The following DST variants were observed in gnomAD, a reference collection of about 807,000 sequenced individuals.
The protein encoded by DST is dystonin, also known as bullous pemphigoid antigen.
DST carries 253 observed loss-of-function variants against 875.2 expected under a neutral mutation model. The ratio of observed to expected loss-of-function variants is 0.29; its 90% confidence interval spans 0.26 to 0.32. The LOEUF (loss-of-function observed/expected upper bound fraction) is 0.32. Among genes scored for constraint, DST ranks in the 10% least tolerant of loss-of-function variants. The pLI is 1.00. For synonymous variants in DST, 3,124 were observed against 3,197.1 expected (o/e 0.98, Z 0.77); for missense variants, 8,287 against 9,111.6 (o/e 0.91, Z 3.68).
intron 2 of DST, among the ~76,000 whole-genome samples, chr6:56,952,194 T>C (rs1822713042): frequency 6.6e-6 from 1 of 152,152 alleles, no homozygotes; most frequent in Admixed American, 6.5e-5. Context: ...CCAGCTTTCC[T>C]AACCAAATGC....
rs113931488 is a variant in DST, at chr6:56,510,614, C to T, written c.18780+583G>A. ...TTCACATCTATGAATGAACTTTGTTCTATACTATCTCAAAGTTAAAGGAAT... is the reference window on the plus strand; with the variant it reads ...TTCACATCTATGAATGAACTTTGTTTTATACTATCTCAAAGTTAAAGGAAT... On this transcript the variant is annotated intron_variant, in intron 73 of 103. Transcript: ENST00000680361. 0.014 allele frequency among the ~76,000 whole-genome samples: 2,080 copies of T among 152,214 alleles called. 70 individuals carry two copies. In the East Asian group the frequency reaches 0.14, roughly 10 times the overall value.
At chr6:56,468,948 C>G (rs2094731669) in intron 98 of DST, 34 bp downstream of exon 98, 7 of 1,547,968 alleles carry the variant, frequency 4.5e-6, no homozygotes, top group Non-Finnish European at 6.1e-6. Context: ...AAAAAATCAT[C>G]AGGAACTTGA....
intron 2 of DST, among the ~76,000 whole-genome samples, chr6:56,925,484 T>A (rs888131459): frequency 2.0e-5 from 3 of 152,224 alleles, no homozygotes; most frequent in Non-Finnish European, 2.9e-5. Context: ...GGCACCCACA[T>A]TGACTTACAG....
chr6:56,475,434 C>A (rs896909522), intron 92 of DST, among the ~76,000 whole-genome samples: 12 of 144,736 alleles, frequency 8.3e-5, no homozygotes, highest in East Asian at 4.0e-4. Context: ...CACACACACA[C>A]AAAATAATGG....
In DST at chr6:56,604,182, A is replaced by G. The variant is rs2098472915; in HGVS notation, c.10446T>C (p.Ser3482=). 1 of 1,600,716 alleles carries G rather than the reference A, an allele frequency of 6.2e-7. No individual in the cohort carries two copies. The highest frequency in any genetic ancestry group is 1.3e-5 in the African/African-American group (1 of 74,754). Residue 3482 remains serine (S), a synonymous_variant, in exon 40 of 104, where the codon TCT becomes TCC. Transcript: ENST00000680361. ...EYDLEKRGIT[S]KVLPLQLENI... ...TTTCAAGCTGCAGTGGAAGTACTTT[A>G]GACGTAATGCCTCTTTTCTCTAGGT... is the stretch of plus-strand genomic sequence containing the variant.
Position 56,527,584 on chromosome 6 carries a change from G to A in DST, c.17831C>T (p.Thr5944Ile), listed in dbSNP as rs2152508136. Residue 5944 changes from threonine to isoleucine, a missense_variant, in exon 68 of 104, where the codon ACC becomes ATC. Transcript: ENST00000680361. ...TTCCACCTCCACTTTGTCCAGCCAG[G>A]TACACAGCTCTTCGTGTGTGGAGTG... Reference protein sequence around the residue: ...RLHSTHEELCTWLDKVEVELL... With the variant: ...RLHSTHEELCIWLDKVEVELL... The A allele has an allele frequency of 6.2e-7, 1 of 1,613,836 alleles. No individual in the cohort carries two copies. Among genetic ancestry groups the A allele is most frequent in the Non-Finnish European group, 8.5e-7 (1 of 1,179,834 alleles).
intron 4 of DST, among the ~76,000 whole-genome samples, chr6:56,786,304 C>A (rs184731316): frequency 2.0e-4 from 31 of 152,330 alleles, no homozygotes; most frequent in Admixed American, 1.6e-3. Context: ...TTGTATTTGA[C>A]AGATGTGTGT....
At chr6:56,600,299 C>T in intron 44 of DST, 78 bp from the exon 45 acceptor site, 1 of 1,392,282 alleles carries the variant, frequency 7.2e-7, no homozygotes, top group Non-Finnish European at 9.9e-7. Flanking sequence ...CTTATTAGAA[C>T]ACATTTTCCA....
At chr6:56,952,752 A>C (rs980642862) in intron 2 of DST, among the ~76,000 whole-genome samples, 1 of 152,144 alleles carries the variant, frequency 6.6e-6, no homozygotes, top group Non-Finnish European at 1.5e-5. Flanking sequence ...AGGCACCGAG[A>C]TGTATCACAC....
intron 3 of DST, among the ~76,000 whole-genome samples, chr6:56,882,923 G>A (rs778504460): frequency 6.6e-6 from 1 of 152,172 alleles, no homozygotes; most frequent in Non-Finnish European, 1.5e-5. Context: ...CTGGAATGAG[G>A]TGGCATGATC....
At chr6:56,844,233 C>A (rs1287706833) in intron 4 of DST, among the ~76,000 whole-genome samples, 1 of 152,190 alleles carries the variant, frequency 6.6e-6, no homozygotes, top group Non-Finnish European at 1.5e-5. Flanking sequence ...GGTGGCCCCG[C>A]GCATCAGCGC....
At chr6:56,775,946 G>A (rs762108277) in intron 4 of DST, among the ~76,000 whole-genome samples, 87 of 152,320 alleles carry the variant, frequency 5.7e-4, no homozygotes, top group Non-Finnish European at 8.7e-4. Context: ...CCCATCCCCC[G>A]TTGTGGGCTG....
At chr6:56,883,525 C>G (rs896760699) in intron 3 of DST, among the ~76,000 whole-genome samples, 1 of 152,124 alleles carries the variant, frequency 6.6e-6, no homozygotes, top group South Asian at 2.1e-4. Context: ...TAATAAATAT[C>G]TAAAATCTCA....
At position 56,627,255 on chromosome 6, in the gene DST, G is replaced by T; in HGVS notation, c.4671C>A (p.Ser1557Arg). 2 of 1,612,736 alleles carry T rather than the reference G, an allele frequency of 1.2e-6. No homozygotes were observed. Among genetic ancestry groups the T allele is most frequent in the Non-Finnish European group, 8.5e-7 (1 of 1,179,296 alleles). The change falls in exon 34 of 104, where the codon AGC becomes AGA. Residue 1557 changes from serine to arginine, a missense_variant. Physicochemically the swap from Ser to Arg is moderately radical, Grantham distance 110. Transcript: ENST00000680361. The stretch of plus-strand genomic sequence containing the variant: ...CATATTTTTGACACTCGTCCATTTT[G>T]CTCTGTTTCATTTCTATTTCGGACA... ...MLVSEIEMKQ[S>R]KMDECQKYAE...
chr6:56,706,173 G>T (rs2099334078), intron 5 of DST, among the ~76,000 whole-genome samples: 1 of 152,082 alleles, frequency 6.6e-6, no homozygotes, highest in Non-Finnish European at 1.5e-5. Context: ...AATTAGCCGT[G>T]CATGGTGGCA....
chr6:56,692,607 C>G, intron 9 of DST: 1 of 1,289,738 alleles, frequency 7.8e-7, no homozygotes, highest in Non-Finnish European at 1.0e-6. Context: ...AGCTGGCTGC[C>G]TTTCGGAAAG....
chr6:56,928,820 T>G (rs1264146114), intron 2 of DST, among the ~76,000 whole-genome samples: 1 of 152,032 alleles, frequency 6.6e-6, no homozygotes, highest in African/African-American at 2.4e-5. Flanking sequence ...GACCTGTTTT[T>G]AATCACAACC....
chr6:56,540,216 C>T (rs927017183), intron 61 of DST: 19 of 152,580 alleles, frequency 1.2e-4, no homozygotes, highest in African/African-American at 3.9e-4. Flanking sequence ...TGAAACAGAA[C>T]CACAAACTTT....
intron 80 of DST, among the ~76,000 whole-genome samples, chr6:56,498,357 T>C (rs1233439372): frequency 1.3e-5 from 2 of 152,014 alleles, no homozygotes; most frequent in African/African-American, 4.8e-5. Flanking sequence ...TTATTTTTTA[T>C]ACAGATGTAG....
Sources: gnomAD v4.1 joint callset for allele counts (sites outside exome capture counted in the v4.1 genomes callset) on GRCh38, gnomAD v4.1.1 for gene constraint, MANE v1.5 for transcripts, NCBI Gene and HGNC (gene_info 2026-07-23, HGNC 2026-07-21) for gene names.